CLYBL: variants seen among roughly 807,000 people sequenced by gnomAD.
CLYBL encodes the protein citramalyl-CoA lyase, mitochondrial.
In CLYBL, 31 loss-of-function variants were observed where a neutral mutation model predicts 38.9. That is an observed-to-expected ratio of 0.80 (90% CI 0.60 to 1.08). The LOEUF (loss-of-function observed/expected upper bound fraction) is 1.08. Ranked by LOEUF, CLYBL falls within the 50% of genes least tolerant of loss-of-function variation. The probability of loss-of-function intolerance (pLI) is 0.00; values close to 1 mark genes in which losing one functional copy is unlikely to be tolerated. For missense variants in CLYBL, 434 were observed against 411.6 expected, an observed-to-expected ratio of 1.05 and a Z score of -0.47; for synonymous variants, 171 against 158.6, an observed-to-expected ratio of 1.08 and a Z score of -0.59.
intron 2 of CLYBL, among the ~76,000 whole-genome samples, chr13:99,811,674 C>T: frequency 6.6e-6 from 1 of 152,172 alleles, no homozygotes; most frequent in East Asian, 1.9e-4. Flanking sequence ...CTGCCAGTCC[C>T]CACACGACCT....
intron 2 of CLYBL, among the ~76,000 whole-genome samples, chr13:99,779,419 C>T (rs117277025): frequency 0.021 from 3,252 of 152,198 alleles, 61 homozygotes; most frequent in South Asian, 0.049. Flanking sequence ...GGATTACAGG[C>T]GCGAGCCACC....
intron 7 of CLYBL, among the ~76,000 whole-genome samples, chr13:99,878,072 TACACGAA>T (rs1330192806): frequency 6.6e-6 from 1 of 152,196 alleles, no homozygotes; most frequent in Non-Finnish European, 1.5e-5. Context: ...CAGAAATAGG[TACACGAA>T]ACACATTTAG....
intron 2 of CLYBL, among the ~76,000 whole-genome samples, chr13:99,853,810 C>T (rs12866973): frequency 2.0e-5 from 3 of 151,960 alleles, no homozygotes; most frequent in East Asian, 1.9e-4. Context: ...TGAAAAAGGC[C>T]GTCCTTAAAT....
At chr13:99,731,766 G>A (rs1166412207) in intron 1 of CLYBL, among the ~76,000 whole-genome samples, 4 of 152,186 alleles carry the variant, frequency 2.6e-5, no homozygotes, top group Non-Finnish European at 5.9e-5. Flanking sequence ...GACATCTCCT[G>A]ATGTGAAGAA....
At chr13:99,699,583 C>G (rs1044997863) in intron 1 of CLYBL, among the ~76,000 whole-genome samples, 2 of 151,750 alleles carry the variant, frequency 1.3e-5, no homozygotes, top group African/African-American at 4.9e-5. Flanking sequence ...ATCCCAGCTA[C>G]TCAGAAGGCT....
chr13:99,779,195 T>C (rs1020341208), intron 2 of CLYBL, among the ~76,000 whole-genome samples: 4 of 152,052 alleles, frequency 2.6e-5, no homozygotes, highest in African/African-American at 9.7e-5. Context: ...CGGGCTGGAG[T>C]GCAATGGTAT....
downstream of CLYBL, among the ~76,000 whole-genome samples, chr13:99,901,835 T>A (rs1032939401): frequency 6.6e-6 from 1 of 152,142 alleles, no homozygotes; most frequent in East Asian, 1.9e-4. Context: ...AATTTTTGTA[T>A]TTTTAGTAGA....
intron 2 of CLYBL, among the ~76,000 whole-genome samples, chr13:99,784,951 G>T (rs960444680): frequency 6.6e-6 from 1 of 151,314 alleles, no homozygotes; most frequent in African/African-American, 2.4e-5. Context: ...GGGTGCAATG[G>T]TGCGATCTCT....
At chr13:99,714,084 C>A (rs1256872926) in intron 1 of CLYBL, among the ~76,000 whole-genome samples, 1 of 152,176 alleles carries the variant, frequency 6.6e-6, no homozygotes, top group Non-Finnish European at 1.5e-5. Flanking sequence ...ACCTCCTGGG[C>A]TCAAGCAATC....
chr13:99,756,311 G>C (rs9513658), intron 1 of CLYBL, among the ~76,000 whole-genome samples: 108,213 of 152,218 alleles, frequency 0.71, 40,046 homozygotes, highest in East Asian at 0.93. Context: ...TGTTCAGCAA[G>C]CCCAAGTCCT....
rs117051205 is a variant in CLYBL, at chr13:99,650,893, C to T, written c.62+44136C>T. Among the ~76,000 whole-genome samples, 26 of 152,286 alleles carry T rather than the reference C, an allele frequency of 1.7e-4. No homozygotes were observed. The East Asian group carries it at 4.6e-3, about 27-fold the overall frequency. On this transcript the variant is annotated intron_variant, in intron 1 of 8. Coordinates refer to ENST00000339105, the MANE Select transcript of CLYBL (RefSeq NM_206808.5). ...TTACAGTGTTCTTTACACCCTAACC[C>T]AAGATTACCTTCCCAGAATCATCTT...
intron 2 of CLYBL, among the ~76,000 whole-genome samples, chr13:99,775,938 C>A (rs191894746): frequency 3.3e-4 from 50 of 151,760 alleles, no homozygotes; most frequent in Admixed American, 2.1e-3. Flanking sequence ...CTGAGGTGGG[C>A]AGATCACAAG....
At chr13:99,783,400 G>A (rs2049703693) in intron 2 of CLYBL, among the ~76,000 whole-genome samples, 2 of 151,294 alleles carry the variant, frequency 1.3e-5, no homozygotes. Flanking sequence ...AGTTCTATTT[G>A]GTTCTTCTAC....
chr13:99,661,794 A>C (rs1350671402), intron 1 of CLYBL, among the ~76,000 whole-genome samples: 1 of 152,180 alleles, frequency 6.6e-6, no homozygotes, highest in African/African-American at 2.4e-5. Flanking sequence ...TGATGTTTTC[A>C]AGGTCTCTAA....
chr13:99,637,962 C>CTTTTT lies in CLYBL; in HGVS notation c.62+31220_62+31224dup, dbSNP rs34513643. Among the ~76,000 whole-genome samples, 323 of 94,978 alleles carry CTTTTT rather than the reference C, an allele frequency of 3.4e-3. 25 individuals are homozygous for CTTTTT. The highest frequency in any genetic ancestry group is 0.011 in the African/African-American group (289 of 25,550). 62.3% of individuals were successfully genotyped at this position (94,978 alleles called of 152,430 possible). On this transcript the variant is annotated intron_variant, in intron 1 of 8. Transcript: ENST00000339105. ...ATCTAGTTATCCAAGTCAACAGTGC[C>CTTTTT]TTTTTTTTTTTTTTTTTTTGAGACA... is the stretch of plus-strand genomic sequence containing the variant.
chr13:99,856,365 T>C (rs1298792691), intron 2 of CLYBL, among the ~76,000 whole-genome samples: 1 of 152,210 alleles, frequency 6.6e-6, no homozygotes, highest in Non-Finnish European at 1.5e-5. Flanking sequence ...ATGGAGATGA[T>C]GACTCAAATA....
intron 1 of CLYBL, among the ~76,000 whole-genome samples, chr13:99,730,024 G>C (rs550697479): frequency 1.6e-4 from 21 of 132,418 alleles, no homozygotes; most frequent in Admixed American, 1.3e-3. Flanking sequence ...ACCACCGTTG[G>C]TCCCACATCA....
chr13:99,647,273 C>T (rs1566598341), intron 1 of CLYBL, among the ~76,000 whole-genome samples: 1 of 152,216 alleles, frequency 6.6e-6, no homozygotes, highest in Non-Finnish European at 1.5e-5. Flanking sequence ...AGGACACAAG[C>T]TTGTTCATAG....
chr13:99,832,196 T>C (rs1191335976), intron 2 of CLYBL, among the ~76,000 whole-genome samples: 3 of 152,252 alleles, frequency 2.0e-5, no homozygotes, highest in African/African-American at 7.2e-5. Context: ...TGAGAAACTT[T>C]GCTTTGATGG....
Sources: gnomAD v4.1 joint callset for allele counts (sites outside exome capture counted in the v4.1 genomes callset) on GRCh38, gnomAD v4.1.1 for gene constraint, MANE v1.5 for transcripts, NCBI Gene and HGNC (gene_info 2026-07-23, HGNC 2026-07-21) for gene names.